The following TRABD2A variants were observed in gnomAD, a reference collection of about 807,000 sequenced individuals.
The protein encoded by TRABD2A is TraB domain containing 2A.
A neutral mutation model predicts 45.6 loss-of-function variants in TRABD2A; 43 were observed. The ratio of observed to expected loss-of-function variants is 0.94; its 90% CI spans 0.74 to 1.22. The LOEUF (loss-of-function observed/expected upper bound fraction) is 1.22, where lower values mean the gene tolerates loss of function less well. TRABD2A is among the 50% of genes most tolerant of loss of function. The pLI is 0.00. For missense variants in TRABD2A, 642 were observed against 652.4 expected, an observed-to-expected ratio of 0.98 and a Z score of 0.17; for synonymous variants, 269 against 265.0, an observed-to-expected ratio of 1.02 and a Z score of -0.15.
At chr2:84,853,622 C>T (rs1375006228) in intron 2 of TRABD2A, among the ~76,000 whole-genome samples, 1 of 152,170 alleles carries the variant, frequency 6.6e-6, no homozygotes, top group African/African-American at 2.4e-5. Context: ...TGGAGTGAGG[C>T]TCCTACAAGA....
intron 1 of TRABD2A, chr2:84,874,770 G>A (rs1043031015): frequency 4.1e-6 from 1 of 245,120 alleles, no homozygotes; most frequent in Non-Finnish European, 8.2e-6. Context: ...GTGACTGGAG[G>A]GGTCTGAGGA....
At chr2:84,868,215 A>G (rs1003997557) in intron 2 of TRABD2A, among the ~76,000 whole-genome samples, 10 of 152,252 alleles carry the variant, frequency 6.6e-5, no homozygotes, top group African/African-American at 2.4e-4. Context: ...GACTGGATTA[A>G]GAAAATGGGG....
At chr2:84,876,255 T>C (rs1356623921) in intron 1 of TRABD2A, among the ~76,000 whole-genome samples, 2 of 152,184 alleles carry the variant, frequency 1.3e-5, no homozygotes, top group Admixed American at 6.5e-5. Context: ...GTAGATGTTC[T>C]TTAAAGCCAT....
At position 84,839,283 on chromosome 2, in the gene TRABD2A, C is replaced by A. The variant is rs768172575; in HGVS notation, c.857G>T (p.Arg286Leu). 5.0e-6 allele frequency: 8 copies of A among 1,613,500 alleles called. No individual in the cohort carries two copies. Among genetic ancestry groups the A allele is most frequent in the Non-Finnish European group, 5.9e-6 (7 of 1,179,752 alleles). Residue 286 changes from arginine to leucine, a missense_variant, in exon 4 of 7, where the codon CGC (arginine) becomes CTC (leucine). Arg to Leu is a moderately radical substitution (Grantham distance 102, BLOSUM62 -2). Transcript: ENST00000409520. ...GCTGTCAATCTCCTGAGCAGTGATG[C>A]GCTCCTGAGGTGGTAGCGTGGCATT... ...FINATLPPQERITAQEIDSYL... is the reference protein window; with the variant it reads ...FINATLPPQELITAQEIDSYL...
At chr2:84,864,716 C>A (rs1682619048) in intron 2 of TRABD2A, among the ~76,000 whole-genome samples, 2 of 152,144 alleles carry the variant, frequency 1.3e-5, no homozygotes, top group African/African-American at 4.8e-5. Context: ...CCTCCTAGCC[C>A]CAGGGGTTGT....
At chr2:84,857,470 T>C (rs764525527) in intron 2 of TRABD2A, among the ~76,000 whole-genome samples, 4 of 152,176 alleles carry the variant, frequency 2.6e-5, no homozygotes, top group Non-Finnish European at 5.9e-5. Flanking sequence ...AACCCACCCT[T>C]AACCGCATGT....
At chr2:84,841,145 A>C (rs1449679356) in intron 3 of TRABD2A, among the ~76,000 whole-genome samples, 2 of 152,136 alleles carry the variant, frequency 1.3e-5, no homozygotes, top group Non-Finnish European at 2.9e-5. Flanking sequence ...GGTGTTTGCT[A>C]TTTGCATGTA....
intron 5 of TRABD2A, among the ~76,000 whole-genome samples, chr2:84,825,846 C>G (rs1681131041): frequency 6.6e-6 from 1 of 152,158 alleles, no homozygotes; most frequent in Non-Finnish European, 1.5e-5. Flanking sequence ...ATCGCAAACC[C>G]TGTTGTGAAT....
At chr2:84,825,251 G>A (rs757041995) in intron 5 of TRABD2A, among the ~76,000 whole-genome samples, 1 of 152,184 alleles carries the variant, frequency 6.6e-6, no homozygotes, top group Non-Finnish European at 1.5e-5. Flanking sequence ...TAGCCTTGAG[G>A]AACCATCTAC....
At chr2:84,822,153 C>T (rs1681022015) in intron 6 of TRABD2A, 53 bp from the exon 7 acceptor site, 2 of 1,446,452 alleles carry the variant, frequency 1.4e-6, no homozygotes, top group Non-Finnish European at 9.2e-7. Flanking sequence ...AACCACTGCA[C>T]ACGCCAAGGC....
intron 4 of TRABD2A, chr2:84,835,215 ATACT>A (rs1681463093): frequency 7.7e-6 from 1 of 129,164 alleles, no homozygotes; most frequent in African/African-American, 3.9e-5. Flanking sequence ...AAGACAAAAA[ATACT>A]AGAGGAAAAA....
intron 2 of TRABD2A, among the ~76,000 whole-genome samples, chr2:84,857,173 C>T (rs1682341040): frequency 6.6e-6 from 1 of 152,194 alleles, no homozygotes; most frequent in Non-Finnish European, 1.5e-5. Context: ...GTTACAGCAG[C>T]CCAAGCAGGC....
chr2:84,834,564 C>T (rs1681439577), intron 4 of TRABD2A: 1 of 152,388 alleles, frequency 6.6e-6, no homozygotes, highest in African/African-American at 2.4e-5. Flanking sequence ...TTGACCCCAG[C>T]CCCTGGCAAC....
intron 2 of TRABD2A, chr2:84,851,214 G>C (rs1224854916): frequency 6.6e-6 from 1 of 152,250 alleles, no homozygotes; most frequent in Admixed American, 6.5e-5. Context: ...ATGGACGTCT[G>C]TATCTATGGC....
rs141131447 is a variant in TRABD2A, at chr2:84,823,234, A to G, written c.1334+719T>C. On this transcript the variant is annotated intron_variant, in intron 6 of 6. Coordinates refer to ENST00000409520, the MANE Select transcript of TRABD2A (RefSeq NM_001277053.2). The stretch of plus-strand genomic sequence containing the variant: ...ACACACACACATATGCATGCACCAC[A>G]AACACACACACCCACAGCAGCTTAC... 4.7e-4 allele frequency among the ~76,000 whole-genome samples: 71 copies of G among 152,228 alleles called. 1 individual carries two copies. Among genetic ancestry groups the G allele is most frequent in the African/African-American group, 1.6e-3 (68 of 41,542 alleles).
intron 1 of TRABD2A, among the ~76,000 whole-genome samples, chr2:84,879,279 C>A (rs1327873588): frequency 6.6e-6 from 1 of 151,756 alleles, no homozygotes; most frequent in Non-Finnish European, 1.5e-5. Flanking sequence ...CTCCCAGGCT[C>A]AAGGTTTCCT....
chr2:84,855,636 G>T (rs1270316493), intron 2 of TRABD2A, among the ~76,000 whole-genome samples: 1 of 151,476 alleles, frequency 6.6e-6, no homozygotes, highest in Non-Finnish European at 1.5e-5. Flanking sequence ...TTGCCCCCTA[G>T]CCCCCACGTC....
intron 2 of TRABD2A, among the ~76,000 whole-genome samples, chr2:84,847,952 A>G (rs190362304): frequency 6.6e-6 from 1 of 152,250 alleles, no homozygotes; most frequent in Non-Finnish European, 1.5e-5. Context: ...TCCGATCTAC[A>G]TAGTGTTCTT....
At chr2:84,829,701 A>T (rs1681266272) in intron 5 of TRABD2A, among the ~76,000 whole-genome samples, 1 of 150,398 alleles carries the variant, frequency 6.6e-6, no homozygotes, top group Non-Finnish European at 1.5e-5. Flanking sequence ...CAACACACAC[A>T]CCAAACATGC....
Sources: allele counts gnomAD v4.1 joint callset (sites outside exome capture counted in the v4.1 genomes callset), GRCh38; gene constraint gnomAD v4.1.1; transcripts MANE v1.5; gene names NCBI Gene and HGNC (gene_info 2026-07-23, HGNC 2026-07-21).